GLIS3: variants seen among roughly 807,000 people sequenced by gnomAD.
GLIS3 encodes GLIS family zinc finger 3.
A neutral mutation model predicts 78.6 loss-of-function variants in GLIS3; 53 were observed. That is an observed-to-expected ratio of 0.67 (90% CI 0.54 to 0.85). The LOEUF (loss-of-function observed/expected upper bound fraction) is 0.85, where lower values mean the gene tolerates loss of function less well. Among genes scored for constraint, GLIS3 ranks in the 40% least tolerant of loss-of-function variants. The probability of loss-of-function intolerance (pLI) is 0.00; values close to 1 mark genes in which losing one functional copy is unlikely to be tolerated. For synonymous variants in GLIS3, 684 were observed against 509.9 expected, an observed-to-expected ratio of 1.34 and a Z score of -4.60; for missense variants, 1,703 against 1,231.1, an observed-to-expected ratio of 1.38 and a Z score of -5.74.
rs574802814 is a variant in GLIS3 at position 4,019,839 on chromosome 9, C to A, written c.1711-82650G>T. Among the ~76,000 whole-genome samples the A allele has an allele frequency of 1.4e-4, 21 of 152,244 alleles. No homozygotes were observed. The South Asian group carries it at 1.7e-3, about 12-fold the overall frequency. ...CCTCGAAATCCTGGGTTCAAGCAAT[C>A]CTCCTGCCTCAGGCCACCACGAGTC... is the stretch of plus-strand genomic sequence containing the variant. On this transcript the variant is annotated intron_variant, in intron 4 of 10. Transcript: ENST00000381971.
chr9:3,992,458 C>A (rs604385), intron 4 of GLIS3, among the ~76,000 whole-genome samples: 7 of 152,230 alleles, frequency 4.6e-5, no homozygotes, highest in South Asian at 2.1e-4. Context: ...ATTTCCCTTC[C>A]TCCTCATGCA....
At chr9:4,221,396 T>C (rs984500615) in intron 2 of GLIS3, among the ~76,000 whole-genome samples, 1 of 152,246 alleles carries the variant, frequency 6.6e-6, no homozygotes, top group Non-Finnish European at 1.5e-5. Flanking sequence ...AATAAATTAT[T>C]TTTTACTTGG....
intron 4 of GLIS3, among the ~76,000 whole-genome samples, chr9:3,964,180 A>G (rs958459069): frequency 6.6e-6 from 1 of 152,082 alleles, no homozygotes; most frequent in African/African-American, 2.4e-5. Context: ...GGACTAATTT[A>G]CAGAATCATC....
chr9:4,126,040 C>A, intron 2 of GLIS3, 99 bp from the exon 3 acceptor site: 1 of 902,074 alleles, frequency 1.1e-6, no homozygotes, highest in South Asian at 1.4e-5. Context: ...TCTTTAGAGA[C>A]AGTCCTCAGA....
intron 2 of GLIS3, among the ~76,000 whole-genome samples, chr9:4,241,095 T>A (rs1823264798): frequency 6.6e-6 from 1 of 152,178 alleles, no homozygotes; most frequent in Non-Finnish European, 1.5e-5. Context: ...AAACCACCTT[T>A]ATGATTATGA....
At chr9:3,907,579 C>T (rs1823793695) in intron 6 of GLIS3, among the ~76,000 whole-genome samples, 1 of 148,670 alleles carries the variant, frequency 6.7e-6, no homozygotes, top group South Asian at 2.2e-4. Flanking sequence ...ACTTTAGAGC[C>T]AATGGCTAGC....
chr9:4,110,206 T>A (rs10814847), intron 4 of GLIS3, among the ~76,000 whole-genome samples: 65,304 of 151,950 alleles, frequency 0.43, 16,122 homozygotes, highest in East Asian at 0.69. Flanking sequence ...TACCCTAATT[T>A]TTTCCAGGAC....
At chr9:3,966,910 C>A (rs1817979483) in intron 4 of GLIS3, among the ~76,000 whole-genome samples, 1 of 146,736 alleles carries the variant, frequency 6.8e-6, no homozygotes, top group Non-Finnish European at 1.5e-5. Flanking sequence ...ACTCTCACCA[C>A]AATCCAGTTT....
At chr9:4,194,131 C>G (rs1818583361) in intron 2 of GLIS3, among the ~76,000 whole-genome samples, 1 of 152,086 alleles carries the variant, frequency 6.6e-6, no homozygotes. Flanking sequence ...GATCTCGGCT[C>G]TCTGCAACCT....
intron 4 of GLIS3, among the ~76,000 whole-genome samples, chr9:4,082,467 A>C (rs1235195535): frequency 1.3e-5 from 2 of 152,236 alleles, no homozygotes; most frequent in African/African-American, 2.4e-5. Flanking sequence ...GGCAAGATAT[A>C]AGCCATTTTG....
At chr9:4,473,128 A>G in the GLIS3 span, among the ~76,000 whole-genome samples, 94 of 152,250 alleles carry the variant, frequency 6.2e-4, no homozygotes, top group Admixed American at 7.9e-4. Context: ...TTGCAGCACT[A>G]TTCACAATAG....
At chr9:4,450,817 C>A in the GLIS3 span, among the ~76,000 whole-genome samples, 2 of 152,146 alleles carry the variant, frequency 1.3e-5, no homozygotes, top group Non-Finnish European at 2.9e-5. Flanking sequence ...TTGTCACCAC[C>A]AGGCCTGCCT....
intron 2 of GLIS3, among the ~76,000 whole-genome samples, chr9:4,232,425 C>G (rs180937476): frequency 1.2e-3 from 173 of 140,854 alleles, no homozygotes; most frequent in African/African-American, 4.3e-3. Context: ...AAGAAAGAAA[C>G]AAAGAAACAA....
intron 4 of GLIS3, among the ~76,000 whole-genome samples, chr9:4,019,302 G>A (rs185959745): frequency 6.6e-6 from 1 of 152,222 alleles, no homozygotes; most frequent in African/African-American, 2.4e-5. Context: ...TGGCCCAGGA[G>A]GTTAAGTCAT....
At chr9:3,830,831 T>C (rs908247976) in intron 9 of GLIS3, among the ~76,000 whole-genome samples, 11 of 152,100 alleles carry the variant, frequency 7.2e-5, no homozygotes, top group African/African-American at 2.7e-4. Flanking sequence ...TTAGCTCTCT[T>C]TAAGTAAAAC....
chr9:4,133,569 T>G (rs867856025), intron 2 of GLIS3, among the ~76,000 whole-genome samples: 1 of 152,202 alleles, frequency 6.6e-6, no homozygotes, highest in Non-Finnish European at 1.5e-5. Flanking sequence ...TGTGTGACCT[T>G]GGACAAGTTA....
intron 7 of GLIS3, among the ~76,000 whole-genome samples, chr9:3,881,515 T>C (rs16919853): frequency 0.012 from 1,803 of 152,302 alleles, 38 homozygotes; most frequent in African/African-American, 0.04. Flanking sequence ...CTCAGAGGTC[T>C]GTATTAGCTA....
At chr9:3,871,719 G>C (rs1820980492) in intron 8 of GLIS3, among the ~76,000 whole-genome samples, 1 of 152,190 alleles carries the variant, frequency 6.6e-6, no homozygotes, top group Non-Finnish European at 1.5e-5. Context: ...AGGCCCTGGA[G>C]ACCACTTTTT....
chr9:4,436,960 C>A, the GLIS3 span, among the ~76,000 whole-genome samples: 2 of 151,886 alleles, frequency 1.3e-5, no homozygotes, highest in African/African-American at 4.8e-5. Flanking sequence ...GCAAGACTTC[C>A]ACCAAAAGAG....
Sources: allele counts gnomAD v4.1 joint callset (sites outside exome capture counted in the v4.1 genomes callset), GRCh38; gene constraint gnomAD v4.1.1; transcripts MANE v1.5; gene names NCBI Gene and HGNC (gene_info 2026-07-23, HGNC 2026-07-21).